The following PRDM5 variants were observed in gnomAD, a reference collection of about 807,000 sequenced individuals.
PRDM5 encodes PR/SET domain 5, also known as PR domain zinc finger protein 5.
In PRDM5, 56 loss-of-function variants were observed where a neutral mutation model predicts 81.2. The ratio of observed to expected loss-of-function variants is 0.69; its 90% confidence interval spans 0.56 to 0.86. The LOEUF is 0.86. Ranked by LOEUF, PRDM5 falls within the 40% of genes least tolerant of loss-of-function variation. PRDM5 has a pLI of 0.00. For missense variants in PRDM5, 697 were observed against 770.1 expected, an observed-to-expected ratio of 0.91 and a Z score of 1.12; for synonymous variants, 267 against 256.4, an observed-to-expected ratio of 1.04 and a Z score of -0.39.
intron 2 of PRDM5, among the ~76,000 whole-genome samples, chr4:120,861,259 C>T (rs980894557): frequency 1.3e-5 from 2 of 152,158 alleles, no homozygotes; most frequent in Non-Finnish European, 2.9e-5. Flanking sequence ...TTGCCGGCCT[C>T]AGCCTTCCAA....
chr4:120,727,034 G>A (rs1471268683), intron 14 of PRDM5, among the ~76,000 whole-genome samples: 1 of 152,120 alleles, frequency 6.6e-6, no homozygotes, highest in Non-Finnish European at 1.5e-5. Flanking sequence ...TATATTCTAG[G>A]TGGAATGTCA....
intron 10 of PRDM5, among the ~76,000 whole-genome samples, chr4:120,788,629 G>T (rs938386691): frequency 6.6e-6 from 1 of 151,988 alleles, no homozygotes; most frequent in Admixed American, 6.6e-5. Flanking sequence ...TCCAAATTTG[G>T]GACATAACAT....
chr4:120,922,065 A>G (rs1220347704), intron 1 of PRDM5, among the ~76,000 whole-genome samples: 1 of 152,208 alleles, frequency 6.6e-6, no homozygotes, highest in Admixed American at 6.5e-5. Context: ...TTCTAGCCAC[A>G]TTAATTCATC....
In PRDM5 at chr4:120,692,288, T is replaced by C. The variant is rs1337227359; in HGVS notation, c.*2823A>G. 6.6e-6 allele frequency: 1 copy of C among 152,040 alleles called. No individual in the cohort carries two copies. Among genetic ancestry groups the C allele is most frequent in the Non-Finnish European group, 1.5e-5 (1 of 67,982 alleles). 9.4% of individuals were successfully genotyped at this position (152,040 alleles called of 1,614,324 possible). The stretch of plus-strand genomic sequence containing the variant: ...TCATGCATGAGTTGACTGTAATAGG[T>C]CAGAAGATATTTGAGCAAAGTAATG... On this transcript the variant is annotated 3_prime_UTR_variant, in exon 16 of 16. Coordinates refer to ENST00000264808, the MANE Select transcript of PRDM5 (RefSeq NM_018699.4).
intron 3 of PRDM5, among the ~76,000 whole-genome samples, chr4:120,848,928 T>C (rs1471949176): frequency 6.6e-6 from 1 of 152,112 alleles, no homozygotes; most frequent in African/African-American, 2.4e-5. Flanking sequence ...GTTATTTTTA[T>C]GTTATTATTG....
intron 8 of PRDM5, among the ~76,000 whole-genome samples, chr4:120,806,267 T>C (rs879084314): frequency 2.0e-5 from 3 of 152,154 alleles, no homozygotes; most frequent in African/African-American, 4.8e-5. Flanking sequence ...AAAATGGCCA[T>C]ACTGCCCAAG....
chr4:120,880,430 T>C (rs944430097), intron 2 of PRDM5, among the ~76,000 whole-genome samples: 1 of 152,174 alleles, frequency 6.6e-6, no homozygotes, highest in Non-Finnish European at 1.5e-5. Flanking sequence ...GTAATTTTAA[T>C]AGTAGTAACA....
intron 14 of PRDM5, among the ~76,000 whole-genome samples, chr4:120,749,774 C>T (rs541242241): frequency 4.6e-5 from 7 of 152,276 alleles, no homozygotes; most frequent in South Asian, 2.1e-4. Flanking sequence ...AACCTGACTA[C>T]GTATCCTGCA....
intron 3 of PRDM5, among the ~76,000 whole-genome samples, chr4:120,836,515 T>C (rs1365067235): frequency 1.3e-5 from 2 of 152,218 alleles, no homozygotes; most frequent in East Asian, 3.8e-4. Flanking sequence ...TTTTAACCCA[T>C]GATTTCTCCT....
intron 2 of PRDM5, among the ~76,000 whole-genome samples, chr4:120,889,519 C>T (rs537695110): frequency 6.6e-6 from 1 of 152,046 alleles, no homozygotes; most frequent in East Asian, 1.9e-4. Context: ...CCATCACCCT[C>T]CTTGCAAAAA....
At chr4:120,919,446 G>C (rs1724618994) in intron 1 of PRDM5, among the ~76,000 whole-genome samples, 2 of 152,222 alleles carry the variant, frequency 1.3e-5, no homozygotes, top group South Asian at 4.1e-4. Context: ...TGAGAGCAGT[G>C]TATTTCCACC....
rs570611531 is a variant in PRDM5 at position 120,742,426 on chromosome 4, G to A, written c.1623+12127C>T. On this transcript the variant is annotated intron_variant, in intron 14 of 15. Coordinates refer to ENST00000264808, the MANE Select transcript of PRDM5 (RefSeq NM_018699.4). ...CACCAGCAATGGAACAAAGCTGGAC[G>A]GAGAATGACTTTGACGAGTTGAGAG... Among the ~76,000 whole-genome samples the A allele has an allele frequency of 8.6e-3, 1,305 of 152,316 alleles. 20 individuals are homozygous for A. Among genetic ancestry groups the A allele is most frequent in the African/African-American group, 0.03 (1,233 of 41,556 alleles).
chr4:120,857,309 G>C (rs1358924996), intron 2 of PRDM5, among the ~76,000 whole-genome samples: 1 of 152,166 alleles, frequency 6.6e-6, no homozygotes, highest in Non-Finnish European at 1.5e-5. Context: ...TGTGAACCGA[G>C]ATCACGCCAC....
intron 4 of PRDM5, 78 bp downstream of exon 4, chr4:120,821,093 T>C: frequency 6.7e-7 from 1 of 1,490,504 alleles, no homozygotes; most frequent in East Asian, 2.3e-5. Flanking sequence ...ACAAGGCAAC[T>C]ATAATTCAAC....
chr4:120,839,091 G>C (rs1246218455), intron 3 of PRDM5: 1 of 604,028 alleles, frequency 1.7e-6, no homozygotes, highest in Admixed American at 2.6e-5. Flanking sequence ...ACCAGGAACT[G>C]CAGCACCCCA....
chr4:120,873,959 GTTTT>G (rs896483815), intron 2 of PRDM5, among the ~76,000 whole-genome samples: 11 of 151,962 alleles, frequency 7.2e-5, no homozygotes, highest in African/African-American at 2.7e-4. Context: ...TGTTTATCCA[GTTTT>G]TTTATTTAAT....
intron 14 of PRDM5, among the ~76,000 whole-genome samples, chr4:120,744,527 C>G (rs1006085094): frequency 8.6e-5 from 13 of 151,876 alleles, no homozygotes; most frequent in Admixed American, 2.0e-4. Flanking sequence ...AATTGATAGA[C>G]CGCTAGCAAG....
At chr4:120,833,531 T>G (rs543984153) in intron 3 of PRDM5, among the ~76,000 whole-genome samples, 1 of 152,278 alleles carries the variant, frequency 6.6e-6, no homozygotes, top group South Asian at 2.1e-4. Flanking sequence ...AAAAAAACAT[T>G]AATATGCTGA....
intron 10 of PRDM5, among the ~76,000 whole-genome samples, chr4:120,794,576 T>C (rs115873071): frequency 0.2 from 29,530 of 145,468 alleles, 3,611 homozygotes; most frequent in Non-Finnish European, 0.28. Flanking sequence ...TACACACAAA[T>C]ACATGTATTA....
Sources: allele counts gnomAD v4.1 joint callset (sites outside exome capture counted in the v4.1 genomes callset), GRCh38; gene constraint gnomAD v4.1.1; transcripts MANE v1.5; gene names NCBI Gene and HGNC (gene_info 2026-07-23, HGNC 2026-07-21).